Variants in PAX5 observed in about 807,000 individuals in gnomAD.
The protein encoded by PAX5 is paired box 5.
In PAX5, 9 loss-of-function variants were observed where a neutral mutation model predicts 43.7. The observed-to-expected ratio is 0.21, with a 90% CI of 0.12 to 0.36. The LOEUF (loss-of-function observed/expected upper bound fraction) is 0.36, where lower values mean the gene tolerates loss of function less well. PAX5 is among the 10% of genes least tolerant of loss of function. The probability of loss-of-function intolerance (pLI) is 1.00; values close to 1 mark genes in which losing one functional copy is unlikely to be tolerated. For missense variants in PAX5, 383 were observed against 532.7 expected (o/e 0.72, Z 2.77); for synonymous variants, 228 against 214.3 (o/e 1.06, Z -0.56).
intron 1 of PAX5, among the ~76,000 whole-genome samples, chr9:37,023,494 T>C (rs1193627290): frequency 6.6e-6 from 1 of 151,914 alleles, no homozygotes; most frequent in Non-Finnish European, 1.5e-5. Flanking sequence ...GACCCACAGA[T>C]ACAAGAAAAA....
intron 5 of PAX5, among the ~76,000 whole-genome samples, chr9:36,991,657 C>A (rs140676623): frequency 6.5e-4 from 99 of 152,310 alleles, no homozygotes; most frequent in African/African-American, 2.3e-3. Flanking sequence ...CAGTTACAAG[C>A]ATACCAAGCT....
chr9:37,026,411 A>G (rs1840379044), intron 1 of PAX5: 1 of 890,118 alleles, frequency 1.1e-6, no homozygotes, highest in Non-Finnish European at 1.6e-6. Flanking sequence ...GCACTTTGCA[A>G]AGTTAGCTGC....
intron 8 of PAX5, among the ~76,000 whole-genome samples, chr9:36,881,205 AAAAATT>A (rs1385223758): frequency 6.6e-6 from 1 of 152,248 alleles, no homozygotes; most frequent in East Asian, 1.9e-4. Flanking sequence ...TTTGTCTATT[AAAAATT>A]AAATTAAATA....
At position 36,839,741 on chromosome 9, in the gene PAX5, G is replaced by A. The variant is rs982391886; in HGVS notation, c.*819C>T. ...AAGTCCACAATGTAATCAATACCTC[G>A]GATGACATTCTGCTTCGGAAAAGTA... is the stretch of plus-strand genomic sequence containing the variant. On this transcript the variant is annotated 3_prime_UTR_variant, in exon 10 of 10. Coordinates refer to ENST00000358127, the MANE Select transcript of PAX5 (RefSeq NM_016734.3). The A allele has an allele frequency of 2.1e-5, 5 of 233,366 alleles. No homozygotes were observed. The highest frequency in any genetic ancestry group is 1.8e-4 in the South Asian group (1 of 5,520). 14.5% of individuals were successfully genotyped at this position (233,366 alleles called of 1,614,324 possible). A position where few individuals can be genotyped will look rare whatever the true frequency, so the allele number is the denominator to read the frequency against.
At chr9:36,994,074 C>T (rs184116048) in intron 5 of PAX5, among the ~76,000 whole-genome samples, 6 of 152,156 alleles carry the variant, frequency 3.9e-5, no homozygotes, top group East Asian at 1.9e-4. Context: ...GAGGAGGAAC[C>T]GAAACCTGAG....
At chr9:37,033,033 G>C (rs1544095) in intron 1 of PAX5, among the ~76,000 whole-genome samples, 135,434 of 152,308 alleles carry the variant, frequency 0.89, 61,503 homozygotes, top group Non-Finnish European at 0.99. Context: ...AAATACACAC[G>C]CCAGTGTCAG....
intron 2 of PAX5, among the ~76,000 whole-genome samples, chr9:37,016,330 T>A (rs952024011): frequency 6.6e-6 from 1 of 152,222 alleles, no homozygotes; most frequent in Admixed American, 6.5e-5. Flanking sequence ...TTAAAAGGAA[T>A]GTTGAATTGC....
intron 5 of PAX5, among the ~76,000 whole-genome samples, chr9:36,998,369 A>G (rs187913211): frequency 6.5e-4 from 99 of 152,224 alleles, no homozygotes; most frequent in Non-Finnish European, 1.2e-3. Context: ...TTGCTCCAGA[A>G]CTCTACTCGG....
intron 8 of PAX5, among the ~76,000 whole-genome samples, chr9:36,880,697 G>A (rs1486915195): frequency 6.6e-6 from 1 of 152,168 alleles, no homozygotes; most frequent in Non-Finnish European, 1.5e-5. Context: ...CGAATAGCTG[G>A]GATTACAGGT....
At chr9:36,890,867 A>G (rs1827321166) in intron 7 of PAX5, among the ~76,000 whole-genome samples, 1 of 152,212 alleles carries the variant, frequency 6.6e-6, no homozygotes, top group Non-Finnish European at 1.5e-5. Flanking sequence ...GGCTGGGCGC[A>G]GTGGCTCACA....
intron 7 of PAX5, among the ~76,000 whole-genome samples, chr9:36,885,886 T>G (rs752638713): frequency 7.2e-5 from 11 of 152,170 alleles, no homozygotes; most frequent in Admixed American, 4.6e-4. Flanking sequence ...TTCAGTTTTA[T>G]GAAAAAACAA....
At chr9:37,021,657 C>T (rs1433087711) in intron 1 of PAX5, among the ~76,000 whole-genome samples, 1 of 152,158 alleles carries the variant, frequency 6.6e-6, no homozygotes, top group Non-Finnish European at 1.5e-5. Context: ...GTAAAAGGAG[C>T]CCGAGAAAGT....
intron 6 of PAX5, among the ~76,000 whole-genome samples, chr9:36,924,734 T>TGGAAGGAAGGAAGGAAGGAA (rs772116401): frequency 1.8e-4 from 11 of 61,306 alleles, no homozygotes; most frequent in African/African-American, 4.0e-4. Flanking sequence ...AAGAAAGAGG[T>TGGAAGGAAGGAAGGAAGGAA]GGAAGGAAGG....
At chr9:36,963,153 G>T (rs1454907087) in intron 6 of PAX5, among the ~76,000 whole-genome samples, 1 of 152,236 alleles carries the variant, frequency 6.6e-6, no homozygotes, top group South Asian at 2.1e-4. Flanking sequence ...ACACATTACA[G>T]GGAGGTGAAG....
intron 7 of PAX5, chr9:36,923,130 C>T (rs942672887): frequency 3.9e-6 from 2 of 507,304 alleles, no homozygotes; most frequent in African/African-American, 1.9e-5. Context: ...GCCCACAGTC[C>T]ATTTGGCATT....
chr9:36,999,949 G>A (rs186391597), intron 5 of PAX5, among the ~76,000 whole-genome samples: 22 of 152,144 alleles, frequency 1.4e-4, no homozygotes, highest in Middle Eastern at 3.4e-3. Context: ...CCTCCAAAGC[G>A]CATCTCTGAA....
chr9:36,982,728 G>T (rs532717169), intron 5 of PAX5, among the ~76,000 whole-genome samples: 4 of 152,188 alleles, frequency 2.6e-5, no homozygotes, highest in African/African-American at 7.2e-5. Context: ...CCCATGGAGC[G>T]GGGTCACGTA....
chr9:36,996,705 A>T (rs561813104), intron 5 of PAX5, among the ~76,000 whole-genome samples: 13 of 152,374 alleles, frequency 8.5e-5, no homozygotes, highest in Non-Finnish European at 8.8e-5. Context: ...CCAGGGCCCC[A>T]GCACGGTCTG....
intron 2 of PAX5, among the ~76,000 whole-genome samples, chr9:37,018,977 C>T (rs1046917184): frequency 2.0e-5 from 3 of 152,172 alleles, no homozygotes; most frequent in South Asian, 4.2e-4. Flanking sequence ...AGCAAAATGT[C>T]GGCTCAGCAA....
Sources: gnomAD v4.1 joint callset for allele counts (sites outside exome capture counted in the v4.1 genomes callset) on GRCh38, gnomAD v4.1.1 for gene constraint, MANE v1.5 for transcripts, NCBI Gene and HGNC (gene_info 2026-07-23, HGNC 2026-07-21) for gene names.